RP1: variants seen among roughly 807,000 people sequenced by gnomAD.
RP1 encodes the protein oxygen-regulated protein 1.
In RP1, 16 loss-of-function variants were observed where a neutral mutation model predicts 14.8. That is an observed-to-expected ratio of 1.08 (90% CI 0.73 to 1.65). The LOEUF (loss-of-function observed/expected upper bound fraction) is 1.65. Among genes scored for constraint, RP1 ranks in the 40% most tolerant of loss-of-function variants. The pLI, the probability that RP1 is intolerant of heterozygous loss-of-function variation, is 0.00. For missense variants in RP1, 2,631 were observed against 2,535.0 expected, an observed-to-expected ratio of 1.04 and a Z score of -0.81; for synonymous variants, 876 against 883.6, an observed-to-expected ratio of 0.99 and a Z score of 0.15.
At chr8:54,599,709 C>T (rs1049763075) in intron 1 of RP1, among the ~76,000 whole-genome samples, 1 of 152,136 alleles carries the variant, frequency 6.6e-6, no homozygotes, top group African/African-American at 2.4e-5. Flanking sequence ...CTTGCCTTGG[C>T]CTCCCAAAGT....
rs142948221 is a variant in RP1 at position 54,787,590 on chromosome 8, T to C, written c.3615+3880T>C. Among the ~76,000 whole-genome samples, 1,294 of 152,314 alleles carry C rather than the reference T, an allele frequency of 8.5e-3. 24 individuals are homozygous for C. The highest frequency in any genetic ancestry group is 0.029 in the African/African-American group (1,221 of 41,574). On this transcript the variant is annotated intron_variant, in intron 24 of 28. Coordinates refer to the RP1 transcript ENST00000637698. ...TTTAGTTCGGCTTTTTATTGCATTTTTGCAAATTGAAACGCTAAATAGTAT... is the reference window on the plus strand; with the variant it reads ...TTTAGTTCGGCTTTTTATTGCATTTCTGCAAATTGAAACGCTAAATAGTAT...
chr8:54,696,735 A>G, intron 12 of RP1: 1 of 725,858 alleles, frequency 1.4e-6, no homozygotes, highest in South Asian at 1.4e-5. Flanking sequence ...CTTCGCCTAA[A>G]GAAAATGTTT....
intron 1 of RP1, among the ~76,000 whole-genome samples, chr8:54,593,121 C>T (rs185246464): frequency 1.3e-5 from 2 of 152,196 alleles, no homozygotes; most frequent in Admixed American, 6.5e-5. Flanking sequence ...TTCTTGGGGT[C>T]GGTGGCAGGG....
intron 24 of RP1, among the ~76,000 whole-genome samples, chr8:54,798,779 A>C (rs1810633731): frequency 6.6e-6 from 1 of 152,140 alleles, no homozygotes; most frequent in African/African-American, 2.4e-5. Context: ...AGAAAAAGTA[A>C]ATTATAAAGT....
Position 54,626,800 on chromosome 8 carries a change from A to G in RP1, c.2918A>G (p.Lys973Arg). 6.2e-7 allele frequency: 1 copy of G among 1,613,802 alleles called. No individual in the cohort carries two copies. The highest frequency in any genetic ancestry group is 8.5e-7 in the Non-Finnish European group (1 of 1,179,904). Residue 973 changes from lysine to arginine, a missense_variant, in exon 4 of 4, where the codon AAG (lysine) becomes AGG (arginine). By Grantham distance (26) the Lys-to-Arg change is conservative. Transcript: ENST00000220676. ...AGTAATTTTGTTATGGAAAGTAATAAGCACATAACTAAAATTGCCGGTTTG... is the reference window on the plus strand; with the variant it reads ...AGTAATTTTGTTATGGAAAGTAATAGGCACATAACTAAAATTGCCGGTTTG... Reference protein sequence around the residue: ...KISNFVMESNKHITKIAGLTG... With the variant: ...KISNFVMESNRHITKIAGLTG...
chr8:54,618,324 A>G (rs953947272), intron 1 of RP1, among the ~76,000 whole-genome samples: 2 of 152,124 alleles, frequency 1.3e-5, no homozygotes, highest in African/African-American at 4.8e-5. Flanking sequence ...TTTATCTTCT[A>G]TGTTTTCCCT....
Position 54,628,391 on chromosome 8 carries a change from T to C in RP1, c.4509T>C (p.Thr1503=), listed in dbSNP as rs144274712. The change falls in exon 4 of 4, where the codon ACT becomes ACC. Residue 1503 remains threonine (T), a synonymous_variant. Coordinates refer to ENST00000220676, the MANE Select transcript of RP1 (RefSeq NM_006269.2). ...AAGAAGAGGTAGAGGCTAGTAAAAC[T>C]TTAGAATTGATAGACATCTCTAGTA... ...LIQEEVEASK[T]LELIDISSKN... 2.2e-4 allele frequency: 362 copies of C among 1,613,508 alleles called. No individual in the cohort carries two copies. In the African/African-American group the frequency reaches 4.5e-3, roughly 20 times the overall value.
At chr8:54,828,918 G>T (rs1353876506) in intron 24 of RP1, among the ~76,000 whole-genome samples, 2 of 105,382 alleles carry the variant, frequency 1.9e-5, no homozygotes, top group Non-Finnish European at 1.8e-5. Flanking sequence ...TTGAGATGGA[G>T]TCTCGCTCTG....
intron 27 of RP1, among the ~76,000 whole-genome samples, chr8:54,859,460 T>C (rs1812289883): frequency 6.6e-6 from 1 of 151,726 alleles, no homozygotes; most frequent in Non-Finnish European, 1.5e-5. Flanking sequence ...GTGGTGTCAC[T>C]GTAGCAGTGT....
intron 19 of RP1, among the ~76,000 whole-genome samples, chr8:54,740,834 CA>C (rs1221712676): frequency 1.3e-5 from 2 of 151,922 alleles, no homozygotes; most frequent in Non-Finnish European, 2.9e-5. Flanking sequence ...CACCTGAGGT[CA>C]GGAGTTGGAG....
chr8:54,572,311 A>G (rs1016112969), intron 1 of RP1, among the ~76,000 whole-genome samples: 1 of 152,266 alleles, frequency 6.6e-6, no homozygotes, highest in South Asian at 2.1e-4. Flanking sequence ...AAGAACCCCA[A>G]TCACAGGAGT....
rs117588172 is a variant in RP1, at chr8:54,784,566, T to C, written c.3615+856T>C. Among the ~76,000 whole-genome samples, 498 of 152,264 alleles carry C rather than the reference T, an allele frequency of 3.3e-3. 3 individuals carry two copies. The highest frequency in any genetic ancestry group is 9.2e-3 in the Admixed American group (141 of 15,276). Reference sequence around the variant, plus strand: ...TTCCTCTTATTTTTTTAACCAAAGCTACCTATTTTCCTATGACAAACTCTG... The same window carrying C: ...TTCCTCTTATTTTTTTAACCAAAGCCACCTATTTTCCTATGACAAACTCTG... On this transcript the variant is annotated intron_variant, in intron 24 of 28. Coordinates refer to the RP1 transcript ENST00000637698.
chr8:54,621,394 C>A lies in RP1; in HGVS notation c.428C>A (p.Ala143Asp). 6.2e-7 allele frequency: 1 copy of A among 1,613,070 alleles called. No homozygotes were observed. Among genetic ancestry groups the A allele is most frequent in the South Asian group, 1.1e-5 (1 of 91,074 alleles). ...GCGCACTCACCGCCCCACCCCGTAG[C>A]CGTCGCTGCTCCCGGCATGCCCCGC... ...ISAHSPPHPV[A>D]VAAPGMPRPP... is the part of the protein sequence containing the mutation. Residue 143 changes from alanine to aspartate, a missense_variant, in exon 2 of 4, where the codon GCC becomes GAC. Coordinates refer to ENST00000220676, the MANE Select transcript of RP1 (RefSeq NM_006269.2).
At chr8:54,646,320 CCTT>C (rs1362988119) in intron 3 of RP1, among the ~76,000 whole-genome samples, 5 of 151,764 alleles carry the variant, frequency 3.3e-5, no homozygotes, top group Non-Finnish European at 7.4e-5. Context: ...TTTTCTGTCT[CCTT>C]CTAATTTTTC....
chr8:54,688,089 TG>T (rs1807611251), intron 12 of RP1, among the ~76,000 whole-genome samples: 3 of 152,252 alleles, frequency 2.0e-5, no homozygotes, highest in Non-Finnish European at 4.4e-5. Context: ...TTCACATGTT[TG>T]TTGGCTGCAT....
At chr8:54,827,330 A>T (rs77165843) in intron 24 of RP1, among the ~76,000 whole-genome samples, 5 of 145,980 alleles carry the variant, frequency 3.4e-5, no homozygotes, top group African/African-American at 1.3e-4. Flanking sequence ...TTTATAGTGT[A>T]TTTTTTTTTT....
At chr8:54,705,589 CA>C (rs1325690828) in intron 14 of RP1, among the ~76,000 whole-genome samples, 1 of 152,178 alleles carries the variant, frequency 6.6e-6, no homozygotes, top group Admixed American at 6.5e-5. Context: ...CCAAGCTCTG[CA>C]GGCAAACAAC....
intron 1 of RP1, among the ~76,000 whole-genome samples, chr8:54,561,526 A>C (rs1234781739): frequency 2.0e-5 from 3 of 152,230 alleles, no homozygotes; most frequent in Admixed American, 6.5e-5. Context: ...CCATGGTTGA[A>C]GGATTCCTTC....
At chr8:54,834,825 A>G (rs554212136) in intron 24 of RP1, among the ~76,000 whole-genome samples, 11 of 152,162 alleles carry the variant, frequency 7.2e-5, no homozygotes, top group African/African-American at 2.4e-4. Flanking sequence ...AGGGCAATCA[A>G]TATGTAAAAT....
Sources: gnomAD v4.1 joint callset for allele counts (sites outside exome capture counted in the v4.1 genomes callset) on GRCh38, gnomAD v4.1.1 for gene constraint, MANE v1.5 for transcripts, NCBI Gene and HGNC (gene_info 2026-07-23, HGNC 2026-07-21) for gene names.